The following CNTNAP2 variants were observed in gnomAD, a reference collection of about 807,000 sequenced individuals.
The protein encoded by CNTNAP2 is contactin-associated protein-like 2.
A neutral mutation model predicts 155.2 loss-of-function variants in CNTNAP2; 98 were observed. The observed-to-expected ratio is 0.63, with a 90% CI of 0.54 to 0.75. The LOEUF (loss-of-function observed/expected upper bound fraction) is 0.75, where lower values mean the gene tolerates loss of function less well. Among genes scored for constraint, CNTNAP2 ranks in the 30% least tolerant of loss-of-function variants. CNTNAP2 has a pLI of 0.00. For synonymous variants in CNTNAP2, 651 were observed against 631.2 expected, an observed-to-expected ratio of 1.03 and a Z score of -0.47; for missense variants, 1,727 against 1,688.1, an observed-to-expected ratio of 1.02 and a Z score of -0.40.
At chr7:147,556,379 C>T (rs980241038) in intron 11 of CNTNAP2, among the ~76,000 whole-genome samples, 2 of 151,538 alleles carry the variant, frequency 1.3e-5, no homozygotes, top group African/African-American at 4.9e-5. Context: ...AATAATGCTC[C>T]CCACCAGAGG....
chr7:146,887,541 G>T (rs1178284484), intron 3 of CNTNAP2, among the ~76,000 whole-genome samples: 1 of 151,994 alleles, frequency 6.6e-6, no homozygotes, highest in Non-Finnish European at 1.5e-5. Flanking sequence ...ATAAGTATGA[G>T]TAAAGCCATT....
chr7:147,092,403 C>T (rs1286007683), intron 4 of CNTNAP2, among the ~76,000 whole-genome samples: 1 of 152,110 alleles, frequency 6.6e-6, no homozygotes, highest in Non-Finnish European at 1.5e-5. Context: ...AATGCCAGAT[C>T]TTTTCAAGAG....
At chr7:147,877,949 G>A (rs1799450543) in intron 13 of CNTNAP2, among the ~76,000 whole-genome samples, 1 of 152,156 alleles carries the variant, frequency 6.6e-6, no homozygotes, top group African/African-American at 2.4e-5. Flanking sequence ...TTAAAGCATG[G>A]TGCCCTGCTA....
chr7:147,781,916 G>A (rs1268237813), intron 13 of CNTNAP2, among the ~76,000 whole-genome samples: 2 of 151,952 alleles, frequency 1.3e-5, no homozygotes, highest in Admixed American at 6.6e-5. Flanking sequence ...CCAGCTACTC[G>A]GGAGGCTGAG....
intron 1 of CNTNAP2, among the ~76,000 whole-genome samples, chr7:146,744,850 T>C (rs1801782763): frequency 1.3e-5 from 2 of 152,204 alleles, no homozygotes; most frequent in Non-Finnish European, 2.9e-5. Flanking sequence ...TAAGCCCTGT[T>C]ATTCCTACTT....
At chr7:147,441,859 C>T (rs1424555998) in intron 10 of CNTNAP2, among the ~76,000 whole-genome samples, 4 of 143,200 alleles carry the variant, frequency 2.8e-5, no homozygotes, top group Non-Finnish European at 6.1e-5. Flanking sequence ...CTCCCTCCCT[C>T]CCTCCCTCCC....
chr7:147,560,862 A>C (rs545151812), intron 11 of CNTNAP2, among the ~76,000 whole-genome samples: 4 of 150,230 alleles, frequency 2.7e-5, no homozygotes, highest in African/African-American at 9.8e-5. Flanking sequence ...CCTTGGAAAG[A>C]GGAAGGCATA....
At chr7:146,403,896 C>T (rs1026833144) in intron 1 of CNTNAP2, among the ~76,000 whole-genome samples, 3 of 151,836 alleles carry the variant, frequency 2.0e-5, no homozygotes, top group Non-Finnish European at 4.4e-5. Context: ...GAGGCCGAGG[C>T]GGGCGGATCA....
At chr7:148,204,939 C>T (rs969791685) in intron 18 of CNTNAP2, among the ~76,000 whole-genome samples, 1 of 152,172 alleles carries the variant, frequency 6.6e-6, no homozygotes, top group Admixed American at 6.5e-5. Flanking sequence ...CAAAGCGTTG[C>T]TGTTGAGTAA....
chr7:146,156,416 A>C lies in CNTNAP2; in HGVS notation c.97+39443A>C, dbSNP rs188681088. Among the ~76,000 whole-genome samples, 54 of 152,342 alleles carry C rather than the reference A, an allele frequency of 3.5e-4. 1 individual carries two copies. The highest frequency in any genetic ancestry group is 2.3e-3 in the Admixed American group (35 of 15,302). On this transcript the variant is annotated intron_variant, in intron 1 of 23. Coordinates refer to ENST00000361727, the MANE Select transcript of CNTNAP2 (RefSeq NM_014141.6). ...GAAGAAAACTGGTGATATACATGTGATGAGGAATGGCAACTGTAGTGATTT... is the reference window on the plus strand; with the variant it reads ...GAAGAAAACTGGTGATATACATGTGCTGAGGAATGGCAACTGTAGTGATTT...
intron 21 of CNTNAP2, among the ~76,000 whole-genome samples, chr7:148,360,793 TTTTC>T (rs1350589279): frequency 4.9e-5 from 7 of 142,002 alleles, no homozygotes; most frequent in African/African-American, 1.0e-4. Flanking sequence ...TTAGAGTCGC[TTTTC>T]TTTCTTTTTT....
intron 8 of CNTNAP2, among the ~76,000 whole-genome samples, chr7:147,148,276 G>C (rs980254262): frequency 1.4e-4 from 21 of 150,464 alleles, no homozygotes; most frequent in African/African-American, 4.4e-4. Flanking sequence ...TGTAGTCCCA[G>C]CTACTTGGGA....
chr7:147,501,113 C>A (rs1798803126), intron 11 of CNTNAP2, among the ~76,000 whole-genome samples: 3 of 151,834 alleles, frequency 2.0e-5, no homozygotes, highest in Admixed American at 2.0e-4. Context: ...ACCGTATAAA[C>A]AAAATGAAGG....
intron 18 of CNTNAP2, among the ~76,000 whole-genome samples, chr7:148,180,305 T>A (rs1430995695): frequency 6.6e-6 from 1 of 151,464 alleles, no homozygotes; most frequent in Non-Finnish European, 1.5e-5. Flanking sequence ...AATAGAACCC[T>A]TTTTTTTTCT....
At chr7:147,883,099 A>T (rs1016828878) in intron 13 of CNTNAP2, among the ~76,000 whole-genome samples, 11 of 152,152 alleles carry the variant, frequency 7.2e-5, no homozygotes, top group Non-Finnish European at 1.5e-4. Context: ...CTGAATTGTC[A>T]TTGAGTGTTG....
intron 15 of CNTNAP2, among the ~76,000 whole-genome samples, chr7:147,980,735 T>C (rs1298301030): frequency 6.8e-6 from 1 of 147,020 alleles, no homozygotes; most frequent in Non-Finnish European, 1.5e-5. Context: ...CCATCCTGGC[T>C]AACGCGGTGA....
chr7:147,406,890 C>T (rs1297537810), intron 10 of CNTNAP2, among the ~76,000 whole-genome samples: 1 of 152,074 alleles, frequency 6.6e-6, no homozygotes, highest in African/African-American at 2.4e-5. Context: ...AGGGTAAAAC[C>T]ACTAAGTACC....
chr7:147,188,059 T>A (rs1420077450), intron 8 of CNTNAP2, among the ~76,000 whole-genome samples: 2 of 152,002 alleles, frequency 1.3e-5, no homozygotes, highest in African/African-American at 4.8e-5. Flanking sequence ...AGACTTCATC[T>A]CAAATAAATA....
intron 1 of CNTNAP2, among the ~76,000 whole-genome samples, chr7:146,132,216 A>G (rs1797724744): frequency 6.6e-6 from 1 of 152,120 alleles, no homozygotes; most frequent in African/African-American, 2.4e-5. Context: ...ATAAGTGGTT[A>G]TACACAGATG....
Sources: gnomAD v4.1 joint callset for allele counts (sites outside exome capture counted in the v4.1 genomes callset) on GRCh38, gnomAD v4.1.1 for gene constraint, MANE v1.5 for transcripts, NCBI Gene and HGNC (gene_info 2026-07-23, HGNC 2026-07-21) for gene names.